Variants in TESK2 observed in about 807,000 individuals in gnomAD.
TESK2 encodes the protein testis associated actin remodelling kinase 2.
Under a neutral mutation model 57.1 loss-of-function variants are expected in TESK2, and 39 were observed. The ratio of observed to expected loss-of-function variants is 0.68; its 90% CI spans 0.53 to 0.89. The LOEUF is 0.89. Ranked by LOEUF, TESK2 falls within the 40% of genes least tolerant of loss-of-function variation. TESK2 has a pLI of 0.00. For missense variants in TESK2, 646 were observed against 732.1 expected, an observed-to-expected ratio of 0.88 and a Z score of 1.36; for synonymous variants, 249 against 267.9, an observed-to-expected ratio of 0.93 and a Z score of 0.69.
At position 45,385,926 on chromosome 1, in the gene TESK2, G is replaced by T. The variant is rs1420729684; in HGVS notation, c.379C>A (p.His127Asn). The T allele has an allele frequency of 1.2e-6, 2 of 1,607,214 alleles. No individual in the cohort carries two copies. Among genetic ancestry groups the T allele is most frequent in the East Asian group, 4.5e-5 (2 of 44,532 alleles). ...TGATGTCTTACCTCTGTAAGTGCAT[G>T]CAATTGTCCTTGATGAACACATACA... The part of the protein sequence containing the change: ...MGVCVHQGQL[H>N]ALTEYINSGN... Residue 127 changes from histidine to asparagine, a missense_variant, in exon 4 of 11, where the codon CAT becomes AAT. Transcript: ENST00000372086.
chr1:45,487,206 C>T (rs1381519330), intron 1 of TESK2, among the ~76,000 whole-genome samples: 1 of 152,138 alleles, frequency 6.6e-6, no homozygotes, highest in East Asian at 1.9e-4. Context: ...GAGGGTCTAT[C>T]CCAAACATAT....
intron 3 of TESK2, among the ~76,000 whole-genome samples, chr1:45,390,149 C>T (rs957442104): frequency 3.6e-4 from 55 of 151,958 alleles, no homozygotes; most frequent in African/African-American, 1.1e-3. Context: ...AAAATTCTTC[C>T]GCCAGGCACA....
intron 4 of TESK2, among the ~76,000 whole-genome samples, chr1:45,374,071 G>C (rs1170051465): frequency 2.0e-5 from 3 of 152,194 alleles, no homozygotes; most frequent in African/African-American, 7.2e-5. Context: ...AGAAAGATTA[G>C]CTAGAAATCC....
At chr1:45,411,107 G>T (rs931027465) in intron 3 of TESK2, among the ~76,000 whole-genome samples, 9 of 152,166 alleles carry the variant, frequency 5.9e-5, no homozygotes. Flanking sequence ...TACTGCTTGG[G>T]AGTCATGTGG....
At chr1:45,429,394 T>TC in intron 2 of TESK2, among the ~76,000 whole-genome samples, 1 of 151,858 alleles carries the variant, frequency 6.6e-6, no homozygotes, top group Non-Finnish European at 1.5e-5. Flanking sequence ...CAACTCCATC[T>TC]AAAAAACAGA....
chr1:45,367,381 C>T (rs557904680), intron 4 of TESK2, among the ~76,000 whole-genome samples: 1 of 151,704 alleles, frequency 6.6e-6, no homozygotes, highest in East Asian at 1.9e-4. Context: ...AGAAACTGGG[C>T]ATCATTTGGT....
chr1:45,470,762 G>A (rs1255522517), intron 1 of TESK2, among the ~76,000 whole-genome samples: 1 of 152,160 alleles, frequency 6.6e-6, no homozygotes, highest in Non-Finnish European at 1.5e-5. Flanking sequence ...TAGGTGCAAG[G>A]CTTTAGGACA....
intron 2 of TESK2, among the ~76,000 whole-genome samples, chr1:45,455,875 T>C (rs1030581176): frequency 6.6e-6 from 1 of 151,206 alleles, no homozygotes; most frequent in African/African-American, 2.4e-5. Flanking sequence ...AAACAAGACA[T>C]GGGAAAGTAT....
chr1:45,444,338 A>G (rs1478590017), intron 2 of TESK2, among the ~76,000 whole-genome samples: 1 of 152,208 alleles, frequency 6.6e-6, no homozygotes, highest in African/African-American at 2.4e-5. Context: ...CCAAAAATAA[A>G]CAGACCTATT....
At chr1:45,376,581 G>A (rs146181582) in intron 4 of TESK2, among the ~76,000 whole-genome samples, 153 of 152,076 alleles carry the variant, frequency 1.0e-3, no homozygotes, top group African/African-American at 3.4e-3. Flanking sequence ...TTAGAGTTGG[G>A]TCTACACTAG....
At chr1:45,438,413 T>C (rs760160003) in intron 2 of TESK2, among the ~76,000 whole-genome samples, 14 of 152,188 alleles carry the variant, frequency 9.2e-5, no homozygotes, top group Non-Finnish European at 1.6e-4. Context: ...GCAGAATTGC[T>C]TGAACCCAGG....
intron 1 of TESK2, among the ~76,000 whole-genome samples, chr1:45,462,656 T>A (rs1005867524): frequency 1.3e-5 from 2 of 152,198 alleles, no homozygotes; most frequent in Non-Finnish European, 2.9e-5. Context: ...AACATTTAGG[T>A]TGCTTCCAAA....
chr1:45,483,522 C>T (rs919486719), intron 1 of TESK2, among the ~76,000 whole-genome samples: 7 of 151,476 alleles, frequency 4.6e-5, no homozygotes, highest in Non-Finnish European at 1.0e-4. Context: ...TGCTTGAACC[C>T]GGCAGGCAGA....
At chr1:45,459,131 C>A (rs983483742) in intron 1 of TESK2, among the ~76,000 whole-genome samples, 1 of 152,190 alleles carries the variant, frequency 6.6e-6, no homozygotes, top group Non-Finnish European at 1.5e-5. Flanking sequence ...GTGTGTACAA[C>A]CACAGTTTCT....
chr1:45,418,847 C>T lies in TESK2; in HGVS notation c.344+2878G>A, dbSNP rs562789497. Among the ~76,000 whole-genome samples, 11 of 152,102 alleles carry T rather than the reference C, an allele frequency of 7.2e-5. No individual in the cohort carries two copies. In the South Asian group the frequency reaches 1.7e-3, roughly 23 times the overall value. On this transcript the variant is annotated intron_variant, in intron 3 of 10. Transcript: ENST00000372086. ...AAAAATCAAGGTTCATTATTATGCA[C>T]GACATGCCTGCATCAAAATATTTTA...
At chr1:45,468,063 C>G (rs1208311343) in intron 1 of TESK2, among the ~76,000 whole-genome samples, 1 of 151,800 alleles carries the variant, frequency 6.6e-6, no homozygotes, top group Admixed American at 6.6e-5. Context: ...GTAGTCCTAG[C>G]TACTCAGGAG....
chr1:45,363,344 C>A (rs150316835), intron 4 of TESK2, among the ~76,000 whole-genome samples: 1 of 152,100 alleles, frequency 6.6e-6, no homozygotes, highest in Admixed American at 6.5e-5. Flanking sequence ...AAGATTTAGC[C>A]CTCATTCCAA....
At chr1:45,361,628 T>C (rs1271137870) in intron 4 of TESK2, among the ~76,000 whole-genome samples, 1 of 152,234 alleles carries the variant, frequency 6.6e-6, no homozygotes, top group Non-Finnish European at 1.5e-5. Context: ...AGGCACTCAA[T>C]AACTTTCTAA....
chr1:45,441,869 G>A (rs549531180), intron 2 of TESK2, among the ~76,000 whole-genome samples: 10 of 152,180 alleles, frequency 6.6e-5, no homozygotes, highest in African/African-American at 2.2e-4. Flanking sequence ...CACCTGCACT[G>A]GCCTCCCAAA....
Sources: allele counts gnomAD v4.1 joint callset (sites outside exome capture counted in the v4.1 genomes callset), GRCh38; gene constraint gnomAD v4.1.1; transcripts MANE v1.5; gene names NCBI Gene and HGNC (gene_info 2026-07-23, HGNC 2026-07-21).